Variants in CPNE8 observed in about 807,000 individuals in gnomAD.
CPNE8 encodes copine 8.
In CPNE8, 45 loss-of-function variants were observed where a neutral mutation model predicts 81.5. The ratio of observed to expected loss-of-function variants is 0.55; its 90% CI spans 0.44 to 0.71. The LOEUF (loss-of-function observed/expected upper bound fraction) is 0.71, where lower values mean the gene tolerates loss of function less well. CPNE8 is among the 30% of genes least tolerant of loss of function. The pLI is 0.00. For missense variants in CPNE8, 594 were observed against 672.1 expected (o/e 0.88, Z 1.28); for synonymous variants, 252 against 226.3 (o/e 1.11, Z -1.02).
intron 6 of CPNE8, among the ~76,000 whole-genome samples, chr12:38,813,072 G>A (rs1190615605): frequency 6.6e-6 from 1 of 152,144 alleles, no homozygotes; most frequent in African/African-American, 2.4e-5. Flanking sequence ...AGGAATATGA[G>A]AATAAACTGC....
At chr12:38,873,423 T>TATAA (rs1944020594) in intron 2 of CPNE8, among the ~76,000 whole-genome samples, 1 of 152,162 alleles carries the variant, frequency 6.6e-6, no homozygotes, top group Non-Finnish European at 1.5e-5. Flanking sequence ...TGCTCAAAGG[T>TATAA]ATAATAGGAA....
chr12:38,795,868 G>GATAGATAGATAC (rs1327211591), intron 6 of CPNE8, among the ~76,000 whole-genome samples: 1 of 1,560 alleles, frequency 6.4e-4, no homozygotes, highest in Non-Finnish European at 4.3e-3. Context: ...TGGATGGATG[G>GATAGATAGATAC]ATAGATAGAT....
chr12:38,687,370 C>CTTTTTTTTTTTTTTTTT lies in CPNE8; in HGVS notation c.1144-1754_1144-1753insAAAAAAAAAAAAAAAAA, dbSNP rs35643732. 2.1e-5 allele frequency among the ~76,000 whole-genome samples: 2 copies of CTTTTTTTTTTTTTTTTT among 95,494 alleles called. 1 individual carries two copies. Among genetic ancestry groups the CTTTTTTTTTTTTTTTTT allele is most frequent in the Non-Finnish European group, 4.3e-5 (2 of 46,860 alleles). The allele number at this position is 95,494 out of a possible 152,430, so 62.6% of individuals were successfully genotyped here. ...GCTACCAAATTACGAAATGCCAAGA[C>CTTTTTTTTTTTTTTTTT]TTTCTTTTTTTTTTTTTTTTTTTTT... On this transcript the variant is annotated intron_variant, in intron 15 of 19. Coordinates refer to ENST00000331366, the MANE Select transcript of CPNE8 (RefSeq NM_153634.3).
intron 6 of CPNE8, among the ~76,000 whole-genome samples, chr12:38,821,888 G>A (rs1399978874): frequency 2.6e-5 from 4 of 152,162 alleles, no homozygotes; most frequent in Non-Finnish European, 4.4e-5. Context: ...ATTAAACTTC[G>A]ATTATATGTA....
chr12:38,705,537 C>T (rs1162179129), intron 13 of CPNE8, among the ~76,000 whole-genome samples: 1 of 152,104 alleles, frequency 6.6e-6, no homozygotes, highest in Non-Finnish European at 1.5e-5. Context: ...TAATTTGGAG[C>T]ATAACACTAA....
At chr12:38,808,383 A>G (rs976365769) in intron 6 of CPNE8, among the ~76,000 whole-genome samples, 1 of 152,132 alleles carries the variant, frequency 6.6e-6, no homozygotes, top group East Asian at 1.9e-4. Flanking sequence ...GACTGGATTA[A>G]GAAAATGTGG....
At chr12:38,781,843 C>T (rs1942060255) in intron 6 of CPNE8, among the ~76,000 whole-genome samples, 1 of 152,034 alleles carries the variant, frequency 6.6e-6, no homozygotes, top group Non-Finnish European at 1.5e-5. Context: ...ATGAGAAAAA[C>T]ATCACACAAA....
chr12:38,720,938 C>T, intron 13 of CPNE8: 1 of 152,802 alleles, frequency 6.5e-6, no homozygotes. Flanking sequence ...CTGCAGTTGC[C>T]CAAACCACAG....
intron 3 of CPNE8, among the ~76,000 whole-genome samples, chr12:38,859,851 T>G (rs185991469): frequency 4.4e-4 from 67 of 152,222 alleles, no homozygotes; most frequent in African/African-American, 1.5e-3. Context: ...AAAAATTCAA[T>G]ATTCATATAC....
intron 15 of CPNE8, among the ~76,000 whole-genome samples, chr12:38,688,087 C>T (rs1939575687): frequency 6.6e-6 from 1 of 152,140 alleles, no homozygotes; most frequent in Admixed American, 6.5e-5. Context: ...TATTATATAT[C>T]TACCTTAAGG....
intron 16 of CPNE8, chr12:38,679,515 T>G: frequency 1.4e-5 from 11 of 811,650 alleles, no homozygotes; most frequent in African/African-American, 1.9e-5. Context: ...CTGTAGAAAG[T>G]TGCATGAGTT....
rs115900563 is a variant in CPNE8 at position 38,761,098 on chromosome 12, A to G, written c.681-210T>C. Among the ~76,000 whole-genome samples the G allele has an allele frequency of 4.9e-3, 746 of 152,306 alleles. 4 individuals are homozygous for G. The highest frequency in any genetic ancestry group is 0.017 in the African/African-American group (694 of 41,558). ...TTCTAAAATCTTCATTGATTCCTTA[A>G]AGAGAGTAAGGAGAGTCTACAGGGG... On this transcript the variant is annotated intron_variant, in intron 9 of 19. Transcript: ENST00000331366.
chr12:38,684,283 T>C (rs1345058308), intron 16 of CPNE8, among the ~76,000 whole-genome samples: 5 of 152,092 alleles, frequency 3.3e-5, no homozygotes, highest in Admixed American at 3.3e-4. Context: ...GTGAGATCAA[T>C]TTTGGGGGCC....
intron 14 of CPNE8, among the ~76,000 whole-genome samples, chr12:38,698,816 AGT>A (rs1256825584): frequency 6.6e-6 from 1 of 152,240 alleles, no homozygotes; most frequent in Non-Finnish European, 1.5e-5. Flanking sequence ...AAGTTTTAAA[AGT>A]GAGAAATGTT....
At chr12:38,836,441 T>C (rs1235352181) in intron 5 of CPNE8, among the ~76,000 whole-genome samples, 2 of 152,024 alleles carry the variant, frequency 1.3e-5, no homozygotes, top group African/African-American at 4.8e-5. Context: ...TCCCTAACAG[T>C]ATCAAAAAAC....
chr12:38,883,619 C>A (rs1403845159), intron 1 of CPNE8, among the ~76,000 whole-genome samples: 5 of 152,140 alleles, frequency 3.3e-5, no homozygotes, highest in Admixed American at 6.5e-5. Flanking sequence ...TGATATGTTG[C>A]CTTCAATTGC....
In CPNE8 at chr12:38,848,643, A is replaced by G; in HGVS notation, c.206T>C (p.Ile69Thr). 3 of 1,590,470 alleles carry G rather than the reference A, an allele frequency of 1.9e-6. No individual in the cohort carries two copies. The highest frequency in any genetic ancestry group is 2.6e-6 in the Non-Finnish European group (3 of 1,173,216). The change falls in exon 4 of 20, where the codon ATT becomes ACT. Residue 69 changes from isoleucine to threonine, a missense_variant. Ile to Thr is a moderately conservative substitution (Grantham distance 89). Coordinates refer to ENST00000331366, the MANE Select transcript of CPNE8 (RefSeq NM_153634.3). Reference sequence around the variant, plus strand: ...AAAATCAGGATTTAAAGTATTATCAATTACTTCAGTTCTTCCAAACTGTGG... The same window carrying G: ...AAAATCAGGATTTAAAGTATTATCAGTTACTTCAGTTCTTCCAAACTGTGG... The part of the protein sequence containing the change: ...EWREFGRTEV[I>T]DNTLNPDFVR...
At chr12:38,719,501 G>C (rs1190312880) in intron 13 of CPNE8, among the ~76,000 whole-genome samples, 1 of 151,212 alleles carries the variant, frequency 6.6e-6, no homozygotes, top group Non-Finnish European at 1.5e-5. Context: ...TACTCGGGAG[G>C]CTGAGGCATG....
intron 6 of CPNE8, among the ~76,000 whole-genome samples, chr12:38,797,702 T>A (rs189135476): frequency 1.8e-4 from 28 of 152,138 alleles, no homozygotes; most frequent in African/African-American, 6.0e-4. Flanking sequence ...GGACGGAGAA[T>A]GACTTTGACG....
Sources: allele counts gnomAD v4.1 joint callset (sites outside exome capture counted in the v4.1 genomes callset), GRCh38; gene constraint gnomAD v4.1.1; transcripts MANE v1.5; gene names NCBI Gene and HGNC (gene_info 2026-07-23, HGNC 2026-07-21).